Variants in TMEM131L observed in about 807,000 individuals in gnomAD.
TMEM131L encodes transmembrane protein 131-like.
A neutral mutation model predicts 192.2 loss-of-function variants in TMEM131L; 54 were observed. That is an observed-to-expected ratio of 0.28 (90% CI 0.23 to 0.35). TMEM131L has a LOEUF of 0.35. Among genes scored for constraint, TMEM131L ranks in the 10% least tolerant of loss-of-function variants. The pLI, the probability that TMEM131L is intolerant of heterozygous loss-of-function variation, is 1.00. For synonymous variants in TMEM131L, 701 were observed against 704.9 expected, an observed-to-expected ratio of 0.99 and a Z score of 0.09; for missense variants, 1,888 against 1,972.9, an observed-to-expected ratio of 0.96 and a Z score of 0.82.
chr4:153,535,413 A>T (rs182268247), intron 3 of TMEM131L, among the ~76,000 whole-genome samples: 2 of 152,194 alleles, frequency 1.3e-5, no homozygotes, highest in Non-Finnish European at 2.9e-5. Context: ...TACAGCCTTC[A>T]CGTTGGATCA....
chr4:153,619,505 C>T (rs974825024), intron 26 of TMEM131L, among the ~76,000 whole-genome samples: 2 of 152,180 alleles, frequency 1.3e-5, no homozygotes, highest in African/African-American at 2.4e-5. Flanking sequence ...AAGGTTAATA[C>T]ATACTTATTG....
At chr4:153,579,691 C>T (rs541294552) in intron 7 of TMEM131L, among the ~76,000 whole-genome samples, 36 of 152,164 alleles carry the variant, frequency 2.4e-4, no homozygotes, top group African/African-American at 7.9e-4. Flanking sequence ...CCTAGCTGGT[C>T]TGCAACTCCT....
intron 3 of TMEM131L, among the ~76,000 whole-genome samples, chr4:153,517,316 G>A (rs1229063016): frequency 6.6e-6 from 1 of 152,148 alleles, no homozygotes; most frequent in Non-Finnish European, 1.5e-5. Flanking sequence ...AATCTAGGAA[G>A]CATTTCCCAC....
intron 3 of TMEM131L, among the ~76,000 whole-genome samples, chr4:153,534,142 C>G (rs975273336): frequency 2.0e-5 from 3 of 152,216 alleles, no homozygotes. Context: ...GGAAGGTTTT[C>G]TTTCACTCAA....
intron 3 of TMEM131L, among the ~76,000 whole-genome samples, chr4:153,497,824 A>T (rs1041137722): frequency 6.6e-6 from 1 of 151,170 alleles, no homozygotes; most frequent in African/African-American, 2.4e-5. Context: ...TGTTTGTGTA[A>T]CATGTATCTC....
intron 2 of TMEM131L, among the ~76,000 whole-genome samples, chr4:153,469,314 G>C (rs990635629): frequency 2.0e-5 from 3 of 148,814 alleles, no homozygotes; most frequent in African/African-American, 7.5e-5. Context: ...GGGTAAGGGA[G>C]ACACACACAC....
At chr4:153,612,019 C>CT (rs1190183614) in intron 25 of TMEM131L, among the ~76,000 whole-genome samples, 2 of 151,454 alleles carry the variant, frequency 1.3e-5, no homozygotes, top group East Asian at 1.9e-4. Flanking sequence ...TATTGGTGTC[C>CT]CCCCCCACCT....
Position 153,603,391 on chromosome 4 carries a change from G to T in TMEM131L, c.2728G>T (p.Ala910Ser), listed in dbSNP as rs759688493. 6.2e-7 allele frequency: 1 copy of T among 1,613,998 alleles called. No homozygotes were observed. Among genetic ancestry groups the T allele is most frequent in the African/African-American group, 1.3e-5 (1 of 75,022 alleles). ...EFMKTRQRQN[A>S]SSSSQQNNGP... is the part of the protein sequence containing the mutation. The stretch of plus-strand genomic sequence containing the variant: ...CATGAAAACAAGACAGAGGCAAAAT[G>T]CTAGCTCCTCTTCACAGCAAAACAA... The change falls in exon 24 of 35, where the codon GCT becomes TCT. Residue 910 changes from alanine (A) to serine (S), a missense_variant. By Grantham distance (99) the Ala-to-Ser change is moderately conservative (BLOSUM62 1). Coordinates refer to ENST00000409959, the MANE Select transcript of TMEM131L (RefSeq NM_001131007.2).
At chr4:153,635,009 T>C (rs922302937) in intron 33 of TMEM131L, among the ~76,000 whole-genome samples, 1 of 152,232 alleles carries the variant, frequency 6.6e-6, no homozygotes, top group Non-Finnish European at 1.5e-5. Context: ...TAATGGTATC[T>C]AAGGAGTCCT....
chr4:153,579,163 C>T (rs1730166932), intron 7 of TMEM131L, among the ~76,000 whole-genome samples: 1 of 151,700 alleles, frequency 6.6e-6, no homozygotes, highest in Non-Finnish European at 1.5e-5. Context: ...GAGTTCAAAA[C>T]CAGCCTGGGA....
intron 3 of TMEM131L, among the ~76,000 whole-genome samples, chr4:153,549,635 A>G (rs367804059): frequency 6.6e-6 from 1 of 152,202 alleles, no homozygotes; most frequent in Non-Finnish European, 1.5e-5. Flanking sequence ...CAGGCTTGTG[A>G]TGGTTGTAGC....
chr4:153,626,135 CT>C lies in TMEM131L; in HGVS notation c.4046-8del. ...TTTTGAAACTTGTGATAATGTGTTT[CT>C]TTTAATGCAGGAGACAGTGTTTCAC... On this transcript the variant is annotated splice_polypyrimidine_tract_variant and intron_variant, in intron 29 of 34. Coordinates refer to ENST00000409959, the MANE Select transcript of TMEM131L (RefSeq NM_001131007.2). 6.3e-7 allele frequency: 1 copy of C among 1,582,432 alleles called. No homozygotes were observed. The highest frequency in any genetic ancestry group is 8.7e-7 in the Non-Finnish European group (1 of 1,152,918).
intron 3 of TMEM131L, among the ~76,000 whole-genome samples, chr4:153,535,382 A>G (rs1736237987): frequency 6.6e-6 from 1 of 152,024 alleles, no homozygotes; most frequent in African/African-American, 2.4e-5. Flanking sequence ...TGGGCTAGAG[A>G]TGTAAATTTG....
chr4:153,622,181 C>CG (rs1685220342), intron 28 of TMEM131L, among the ~76,000 whole-genome samples: 1 of 152,176 alleles, frequency 6.6e-6, no homozygotes, highest in Non-Finnish European at 1.5e-5. Context: ...GTGCTACCCC[C>CG]GTGCCTGAGT....
intron 5 of TMEM131L, 145 bp downstream of exon 5, chr4:153,556,055 G>A (rs1561188592): frequency 2.2e-6 from 1 of 444,866 alleles, no homozygotes. Context: ...GTTTACCTTA[G>A]CATTTACTTT....
At chr4:153,524,969 A>G (rs372997797) in intron 3 of TMEM131L, among the ~76,000 whole-genome samples, 7 of 152,296 alleles carry the variant, frequency 4.6e-5, no homozygotes, top group Admixed American at 2.0e-4. Flanking sequence ...GGAATGTTCC[A>G]TGGAGGTAAA....
chr4:153,596,839 A>T (rs1731475113), intron 20 of TMEM131L, among the ~76,000 whole-genome samples: 1 of 152,210 alleles, frequency 6.6e-6, no homozygotes, highest in Admixed American at 6.5e-5. Flanking sequence ...TGTTTCATTG[A>T]GCCCATTGGC....
rs201672148 is a variant in TMEM131L, at chr4:153,589,002, C to T, written c.1665C>T (p.Val555=). Residue 555 remains valine (V), a synonymous_variant, in exon 16 of 35, where the codon GTC becomes GTT. Coordinates refer to ENST00000409959, the MANE Select transcript of TMEM131L (RefSeq NM_001131007.2). ...ERWKKYKNGD[V]CKRNVLGTTR... ...GGAAGAAATATAAAAATGGTGACGTCTGCAAGTACGTCTCCACTGTCTTCT... is the reference window on the plus strand; with the variant it reads ...GGAAGAAATATAAAAATGGTGACGTTTGCAAGTACGTCTCCACTGTCTTCT... 9 of 1,499,674 alleles carry T rather than the reference C, an allele frequency of 6.0e-6. No homozygotes were observed. The highest frequency in any genetic ancestry group is 8.4e-6 in the Non-Finnish European group (9 of 1,076,236). The allele number at this position is 1,499,674 out of a possible 1,614,324, so 92.9% of individuals were successfully genotyped here.
At chr4:153,546,852 G>A (rs1737215336) in intron 3 of TMEM131L, among the ~76,000 whole-genome samples, 1 of 152,202 alleles carries the variant, frequency 6.6e-6, no homozygotes, top group Non-Finnish European at 1.5e-5. Flanking sequence ...GCTTGAACCC[G>A]GGAGGTGGAG....
Sources: gnomAD v4.1 joint callset for allele counts (sites outside exome capture counted in the v4.1 genomes callset) on GRCh38, gnomAD v4.1.1 for gene constraint, MANE v1.5 for transcripts, NCBI Gene and HGNC (gene_info 2026-07-23, HGNC 2026-07-21) for gene names.